Variants in RYR3 observed in about 807,000 individuals in gnomAD.
The protein encoded by RYR3 is ryanodine receptor 3, also known as brain ryanodine receptor-calcium release channel.
A neutral mutation model predicts 584.3 loss-of-function variants in RYR3; 207 were observed. That is an observed-to-expected ratio of 0.35 (90% CI 0.32 to 0.40). The LOEUF is 0.40. Among genes scored for constraint, RYR3 ranks in the 10% least tolerant of loss-of-function variants. The probability of loss-of-function intolerance (pLI) is 1.00; values close to 1 mark genes in which losing one functional copy is unlikely to be tolerated. For missense variants in RYR3, 5,616 were observed against 6,089.2 expected, an observed-to-expected ratio of 0.92 and a Z score of 2.59; for synonymous variants, 2,416 against 2,248.5, an observed-to-expected ratio of 1.07 and a Z score of -2.11.
intron 20 of RYR3, among the ~76,000 whole-genome samples, chr15:33,626,535 A>G (rs1345150251): frequency 6.6e-6 from 1 of 152,204 alleles, no homozygotes; most frequent in Admixed American, 6.5e-5. Flanking sequence ...TGCATATATA[A>G]CAAGGAGCCG....
At chr15:33,819,885 T>C (rs781776507) in intron 77 of RYR3, 78 bp downstream of exon 77, 18 of 1,118,160 alleles carry the variant, frequency 1.6e-5, no homozygotes, top group South Asian at 1.2e-4. Flanking sequence ...AAAATTGTCA[T>C]GTTGAATAGC....
intron 2 of RYR3, among the ~76,000 whole-genome samples, chr15:33,484,895 G>A (rs895603859): frequency 1.3e-5 from 2 of 152,138 alleles, no homozygotes; most frequent in Non-Finnish European, 2.9e-5. Context: ...CAAAAGAGAG[G>A]TTGGGATGGA....
At chr15:33,711,494 CG>C (rs2067120340) in intron 43 of RYR3, among the ~76,000 whole-genome samples, 2 of 152,242 alleles carry the variant, frequency 1.3e-5, no homozygotes, top group Admixed American at 6.5e-5. Flanking sequence ...CCACCCGCCT[CG>C]GCCTCCCAAA....
chr15:33,414,109 AT>A (rs1346907082), intron 1 of RYR3, among the ~76,000 whole-genome samples: 1 of 152,232 alleles, frequency 6.6e-6, no homozygotes, highest in Admixed American at 6.5e-5. Context: ...GGAGTCCCAG[AT>A]TCTACTTCAC....
chr15:33,663,421 G>A (rs2063284655), intron 35 of RYR3, 116 bp from the exon 36 acceptor site: 2 of 819,920 alleles, frequency 2.4e-6, no homozygotes, highest in Non-Finnish European at 3.9e-6. Flanking sequence ...CAGCTTTATG[G>A]CTACTGTGTG....
At chr15:33,599,334 A>G (rs2059548563) in intron 16 of RYR3, among the ~76,000 whole-genome samples, 12 of 152,200 alleles carry the variant, frequency 7.9e-5, no homozygotes, top group Admixed American at 7.9e-4. Flanking sequence ...GCCAAGGTTG[A>G]GGACACGCTC....
In RYR3 at chr15:33,659,712, A is replaced by G; in HGVS notation, c.4309-8A>G. 1 of 1,595,638 alleles carries G rather than the reference A, an allele frequency of 6.3e-7. No individual in the cohort carries two copies. Among genetic ancestry groups the G allele is most frequent in the East Asian group, 2.2e-5 (1 of 44,794 alleles). ...TGGGCAAAGCTTTCGATTTGTTTTGATTTCCAGGTGGAGCCTAATACCAAA... is the reference window on the plus strand; with the variant it reads ...TGGGCAAAGCTTTCGATTTGTTTTGGTTTCCAGGTGGAGCCTAATACCAAA... On this transcript the variant is annotated splice_polypyrimidine_tract_variant and splice_region_variant and intron_variant, in intron 32 of 103. Transcript: ENST00000634891.
intron 69 of RYR3, among the ~76,000 whole-genome samples, chr15:33,803,041 T>C (rs1480493370): frequency 2.0e-5 from 3 of 152,224 alleles, no homozygotes; most frequent in Non-Finnish European, 4.4e-5. Flanking sequence ...GCGAAAACTT[T>C]AGCATCTGGA....
At chr15:33,320,999 T>C (rs897148197) in intron 1 of RYR3, among the ~76,000 whole-genome samples, 1 of 152,218 alleles carries the variant, frequency 6.6e-6, no homozygotes, top group Admixed American at 6.5e-5. Flanking sequence ...GCAATGTTCA[T>C]GGCCTTGGGA....
chr15:33,541,556 G>A (rs773634104), intron 7 of RYR3, among the ~76,000 whole-genome samples: 2 of 152,098 alleles, frequency 1.3e-5, no homozygotes, highest in Admixed American at 6.6e-5. Context: ...AAATGTCAGT[G>A]ACCTATGGGC....
At chr15:33,746,521 G>A (rs373621965) in intron 53 of RYR3, among the ~76,000 whole-genome samples, 126 of 152,208 alleles carry the variant, frequency 8.3e-4, no homozygotes, top group African/African-American at 1.5e-3. Context: ...AGACAAGGCC[G>A]GGTGTGGTGG....
intron 1 of RYR3, among the ~76,000 whole-genome samples, chr15:33,434,958 C>T (rs8037536): frequency 0.025 from 3,842 of 152,168 alleles, 172 homozygotes; most frequent in African/African-American, 0.087. Context: ...GCTGGGACTA[C>T]AGGTGCCCAC....
intron 65 of RYR3, among the ~76,000 whole-genome samples, chr15:33,783,874 A>G (rs954242579): frequency 1.3e-5 from 2 of 152,236 alleles, no homozygotes; most frequent in Non-Finnish European, 2.9e-5. Flanking sequence ...GCAAATGACC[A>G]TATCTGACCC....
At chr15:33,626,465 C>A (rs975265003) in intron 20 of RYR3, among the ~76,000 whole-genome samples, 1 of 152,070 alleles carries the variant, frequency 6.6e-6, no homozygotes, top group Non-Finnish European at 1.5e-5. Context: ...TGTAGCCTAA[C>A]GATGCAATAG....
At chr15:33,650,273 A>G (rs1219833520) in intron 31 of RYR3, among the ~76,000 whole-genome samples, 1 of 152,136 alleles carries the variant, frequency 6.6e-6, no homozygotes, top group Non-Finnish European at 1.5e-5. Flanking sequence ...GCTACTCGGG[A>G]GGCTGAGGCA....
intron 1 of RYR3, among the ~76,000 whole-genome samples, chr15:33,335,978 G>A (rs1293648654): frequency 2.6e-5 from 4 of 151,974 alleles, no homozygotes; most frequent in Non-Finnish European, 4.4e-5. Flanking sequence ...ATAAAGACAA[G>A]AACAGCAATA....
chr15:33,826,386 G>A (rs770579444), intron 83 of RYR3, 117 bp downstream of exon 83: 4 of 1,045,140 alleles, frequency 3.8e-6, no homozygotes, highest in Non-Finnish European at 6.0e-6. Flanking sequence ...GTTGAACTCA[G>A]CAGTTTGGTA....
Position 33,788,184 on chromosome 15 carries a change from C to T in RYR3, c.9590-34C>T, listed in dbSNP as rs528178058. 1.2e-4 allele frequency: 201 copies of T among 1,611,722 alleles called. 1 individual carries two copies. The South Asian group carries it at 2.0e-3, about 16-fold the overall frequency. On this transcript the variant is annotated intron_variant, in intron 66 of 103. Transcript: ENST00000634891. ...TTCATTTTCATCAATTGCCATAATACGTGAAATGACGGGGAGGCTCTTTGT... is the reference window on the plus strand; with the variant it reads ...TTCATTTTCATCAATTGCCATAATATGTGAAATGACGGGGAGGCTCTTTGT...
At chr15:33,686,291 A>G (rs1003894823) in intron 38 of RYR3, among the ~76,000 whole-genome samples, 6 of 152,222 alleles carry the variant, frequency 3.9e-5, no homozygotes, top group African/African-American at 1.4e-4. Context: ...AGAGAATACT[A>G]TAAACACTTC....
Sources: allele counts gnomAD v4.1 joint callset (sites outside exome capture counted in the v4.1 genomes callset), GRCh38; gene constraint gnomAD v4.1.1; transcripts MANE v1.5; gene names NCBI Gene and HGNC (gene_info 2026-07-23, HGNC 2026-07-21).